MROH2B: variants seen among roughly 807,000 people sequenced by gnomAD.
MROH2B encodes the protein maestro heat like repeat family member 2B, also known as maestro heat-like repeat-containing protein family member 2B.
MROH2B carries 177 observed loss-of-function variants against 208.6 expected under a neutral mutation model. That is an observed-to-expected ratio of 0.85 (90% CI 0.75 to 0.96). MROH2B has a LOEUF of 0.96. MROH2B is among the 40% of genes least tolerant of loss of function. The pLI, the probability that MROH2B is intolerant of heterozygous loss-of-function variation, is 0.00. For synonymous variants in MROH2B, 728 were observed against 659.0 expected (o/e 1.10, Z -1.60); for missense variants, 2,002 against 1,878.7 (o/e 1.07, Z -1.21).
intron 19 of MROH2B, 144 bp from the exon 20 acceptor site, chr5:41,039,699 T>C: frequency 1.7e-6 from 1 of 572,616 alleles, no homozygotes; most frequent in East Asian, 2.9e-5. Context: ...CCCATCTTTG[T>C]AAGGTATACA....
At chr5:41,067,896 A>G (rs1053534061) in intron 2 of MROH2B, among the ~76,000 whole-genome samples, 1 of 152,174 alleles carries the variant, frequency 6.6e-6, no homozygotes. Context: ...TCAGGGAGTG[A>G]TATGGTACTA....
At chr5:41,003,986 C>A (rs1741486516) in intron 37 of MROH2B, among the ~76,000 whole-genome samples, 1 of 152,184 alleles carries the variant, frequency 6.6e-6, no homozygotes, top group African/African-American at 2.4e-5. Context: ...AGTTTAAACT[C>A]TGTGGATCCT....
intron 39 of MROH2B, 173 bp from the exon 40 acceptor site, chr5:40,999,952 G>C: frequency 1.5e-6 from 1 of 685,144 alleles, no homozygotes; most frequent in Non-Finnish European, 2.4e-6. Context: ...TAATCAGGAA[G>C]CCATCAGAGT....
At chr5:41,066,502 T>C (rs1409137959) in intron 3 of MROH2B, among the ~76,000 whole-genome samples, 2 of 152,202 alleles carry the variant, frequency 1.3e-5, no homozygotes, top group Non-Finnish European at 2.9e-5. Context: ...ACCTCTTGTC[T>C]TTTGGGATAA....
chr5:41,022,069 C>T (rs560373200), intron 24 of MROH2B, among the ~76,000 whole-genome samples: 24 of 152,142 alleles, frequency 1.6e-4, no homozygotes, highest in Middle Eastern at 3.4e-3. Context: ...ATAGTAGAAG[C>T]GGTTCCAAGA....
At chr5:41,047,164 T>G (rs1743147981) in intron 17 of MROH2B, among the ~76,000 whole-genome samples, 1 of 152,220 alleles carries the variant, frequency 6.6e-6, no homozygotes, top group South Asian at 2.1e-4. Context: ...CAATGTCCAC[T>G]GCCTGTCTGC....
At chr5:41,027,409 A>C (rs966705378) in intron 24 of MROH2B, among the ~76,000 whole-genome samples, 8 of 152,142 alleles carry the variant, frequency 5.3e-5, no homozygotes, top group Non-Finnish European at 7.3e-5. Context: ...AAAAGAAGAC[A>C]TTTATGCAGC....
At position 41,000,364 on chromosome 5, in the gene MROH2B, GTT is replaced by G. The variant is rs1741351447; in HGVS notation, c.4351-15_4351-14del. 6.2e-7 allele frequency: 1 copy of G among 1,612,822 alleles called. No homozygotes were observed. Among genetic ancestry groups the G allele is most frequent in the African/African-American group, 1.3e-5 (1 of 74,840 alleles). ...CATCACGGCAAGCCTGGAAAACAGAGTTTTCTGCATCACAGTCCAGAACGTTA... is the reference window on the plus strand; with the variant it reads ...CATCACGGCAAGCCTGGAAAACAGAGTTCTGCATCACAGTCCAGAACGTTA... On this transcript the variant is annotated splice_polypyrimidine_tract_variant and intron_variant, in intron 38 of 41. Coordinates refer to ENST00000399564, the MANE Select transcript of MROH2B (RefSeq NM_173489.5).
intron 19 of MROH2B, among the ~76,000 whole-genome samples, chr5:41,041,866 T>C (rs571787478): frequency 6.6e-6 from 1 of 152,356 alleles, no homozygotes; most frequent in Non-Finnish European, 1.5e-5. Flanking sequence ...GTAAGAATTA[T>C]TGAAATTCAT....
intron 2 of MROH2B, 142 bp downstream of exon 2, chr5:41,069,549 T>C: frequency 1.5e-6 from 1 of 653,524 alleles, no homozygotes; most frequent in Non-Finnish European, 2.7e-6. Context: ...ATGACTTTCA[T>C]TACAACTGCA....
intron 1 of MROH2B, 31 bp from the exon 2 acceptor site, chr5:41,069,783 T>G: frequency 6.8e-5 from 97 of 1,424,586 alleles, no homozygotes; most frequent in Non-Finnish European, 8.9e-5. Flanking sequence ...TGAATTGAAA[T>G]ATATGCTGAA....
chr5:41,055,697 T>C (rs769548941), intron 10 of MROH2B, 45 bp downstream of exon 10: 53 of 1,467,852 alleles, frequency 3.6e-5, no homozygotes, highest in Non-Finnish European at 5.1e-5. Context: ...TCAGTCTGCT[T>C]CTTGGCATGA....
intron 24 of MROH2B, among the ~76,000 whole-genome samples, chr5:41,019,482 A>G (rs555303580): frequency 7.2e-5 from 11 of 152,310 alleles, no homozygotes; most frequent in South Asian, 4.1e-4. Flanking sequence ...CATATACTAT[A>G]GGTTCTTATG....
At position 41,042,127 on chromosome 5, in the gene MROH2B, G is replaced by T. The variant is rs1251187209; in HGVS notation, c.1918C>A (p.Leu640Met). 1.3e-6 allele frequency: 2 copies of T among 1,595,734 alleles called. No homozygotes were observed. Among genetic ancestry groups the T allele is most frequent in the Non-Finnish European group, 1.7e-6 (2 of 1,170,452 alleles). ...TCCCCCAGTTGGTTGGGAGCAGTCA[G>T]AAACTCCTTAATCTGTGAGTTTACA... ...DFVNSQIKEF[L>M]TAPNQLGDQR... is the part of the protein sequence containing the mutation. Residue 640 changes from leucine (L) to methionine (M), a missense_variant, in exon 19 of 42, where the codon CTG becomes ATG. By Grantham distance (15) the Leu-to-Met change is conservative (BLOSUM62 2). Coordinates refer to ENST00000399564, the MANE Select transcript of MROH2B (RefSeq NM_173489.5).
intron 12 of MROH2B, 101 bp downstream of exon 12, chr5:41,052,364 C>T: frequency 8.6e-7 from 1 of 1,169,094 alleles, no homozygotes; most frequent in Non-Finnish European, 1.1e-6. Flanking sequence ...TACTCTACTC[C>T]TGTGACAGAT....
chr5:41,018,258 G>T, intron 27 of MROH2B, 83 bp downstream of exon 27: 1 of 1,348,784 alleles, frequency 7.4e-7, no homozygotes, highest in South Asian at 1.3e-5. Flanking sequence ...GATCCATCAT[G>T]CAGGAGTTTT....
rs762817182 is a variant in MROH2B at position 41,038,752 on chromosome 5, T to C, written c.2198A>G (p.His733Arg). Residue 733 changes from histidine (H) to arginine (R), a missense_variant, in exon 21 of 42, where the codon CAT becomes CGT. By Grantham distance (29) the His-to-Arg change is conservative. Coordinates refer to ENST00000399564, the MANE Select transcript of MROH2B (RefSeq NM_173489.5). ...QDIISQVLSL[H>R]GQCSQVLGMS... is the part of the protein sequence containing the mutation. The stretch of plus-strand genomic sequence containing the variant: ...GGGCATTACCTGAGAGCACTGGCCA[T>C]GAAGAGACAGGACTTGGGATATGAT... 3 of 1,612,070 alleles carry C rather than the reference T, an allele frequency of 1.9e-6. No individual in the cohort carries two copies. The Admixed American group carries it at 5.0e-5, about 27-fold the overall frequency.
intron 29 of MROH2B, among the ~76,000 whole-genome samples, 199 bp downstream of exon 29, chr5:41,015,182 C>T (rs139682811): frequency 6.6e-6 from 1 of 152,208 alleles, no homozygotes; most frequent in African/African-American, 2.4e-5. Flanking sequence ...GACACTTGGT[C>T]TACAAAGTTT....
chr5:41,052,261 A>C (rs979718001), intron 12 of MROH2B, among the ~76,000 whole-genome samples: 2 of 133,210 alleles, frequency 1.5e-5, no homozygotes, highest in South Asian at 4.5e-4. Context: ...AATTATCAAT[A>C]AAAGTGATAA....
Sources: allele counts gnomAD v4.1 joint callset (sites outside exome capture counted in the v4.1 genomes callset), GRCh38; gene constraint gnomAD v4.1.1; transcripts MANE v1.5; gene names NCBI Gene and HGNC (gene_info 2026-07-23, HGNC 2026-07-21).